DPYD: variants seen among roughly 807,000 people sequenced by gnomAD.
DPYD encodes dihydropyrimidine dehydrogenase [NADP(+)].
In DPYD, 109 loss-of-function variants were observed where a neutral mutation model predicts 116.2. The ratio of observed to expected loss-of-function variants is 0.94; its 90% CI spans 0.80 to 1.10. DPYD has a LOEUF of 1.10. DPYD is among the 50% of genes least tolerant of loss of function. The pLI is 0.00. For missense variants in DPYD, 1,302 were observed against 1,254.5 expected, an observed-to-expected ratio of 1.04 and a Z score of -0.57; for synonymous variants, 440 against 432.0, an observed-to-expected ratio of 1.02 and a Z score of -0.23.
chr1:97,708,282 G>A (rs190148288), intron 5 of DPYD, among the ~76,000 whole-genome samples: 2 of 152,110 alleles, frequency 1.3e-5, no homozygotes, highest in East Asian at 3.9e-4. Context: ...CTGTAGTTTT[G>A]TATTTTACAT....
At chr1:97,738,089 ATCTC>A (rs1453090933) in intron 4 of DPYD, among the ~76,000 whole-genome samples, 2 of 152,172 alleles carry the variant, frequency 1.3e-5, no homozygotes, top group Non-Finnish European at 2.9e-5. Flanking sequence ...AGGAGAATAT[ATCTC>A]TATTGTTTTA....
chr1:97,460,159 C>A (rs2101820615), intron 13 of DPYD, among the ~76,000 whole-genome samples: 1 of 152,200 alleles, frequency 6.6e-6, no homozygotes, highest in African/African-American at 2.4e-5. Context: ...AGAAAAAAAG[C>A]AGGTGCAAAT....
At chr1:97,180,715 A>G (rs924067657) in intron 20 of DPYD, among the ~76,000 whole-genome samples, 2 of 152,196 alleles carry the variant, frequency 1.3e-5, no homozygotes, top group African/African-American at 4.8e-5. Context: ...ATATAATTAA[A>G]TAAGGTGCAT....
chr1:97,794,795 G>T (rs767517162), intron 3 of DPYD, among the ~76,000 whole-genome samples: 11 of 152,124 alleles, frequency 7.2e-5, no homozygotes, highest in Non-Finnish European at 1.5e-4. Flanking sequence ...TCAGGGCAGG[G>T]TACATAGATT....
intron 3 of DPYD, among the ~76,000 whole-genome samples, chr1:97,819,970 T>A (rs1320724671): frequency 6.6e-6 from 1 of 152,006 alleles, no homozygotes; most frequent in Non-Finnish European, 1.5e-5. Flanking sequence ...CACACAAATC[T>A]CTAAGAATAA....
At chr1:97,914,820 T>C (rs1213727848) in intron 1 of DPYD, among the ~76,000 whole-genome samples, 4 of 152,156 alleles carry the variant, frequency 2.6e-5, no homozygotes, top group Non-Finnish European at 5.9e-5. Flanking sequence ...TTGACAAATG[T>C]TAATTCAGTA....
intron 3 of DPYD, among the ~76,000 whole-genome samples, chr1:97,772,606 TGAAA>T (rs1666201933): frequency 6.6e-6 from 1 of 152,108 alleles, no homozygotes; most frequent in Non-Finnish European, 1.5e-5. Context: ...GGCTGACTTG[TGAAA>T]GAAAGAATTT....
chr1:97,872,220 TG>T (rs2101618844), intron 2 of DPYD, among the ~76,000 whole-genome samples: 1 of 152,066 alleles, frequency 6.6e-6, no homozygotes, highest in African/African-American at 2.4e-5. Context: ...TTTCTTCTTT[TG>T]CAAATAAAGC....
intron 1 of DPYD, among the ~76,000 whole-genome samples, chr1:97,916,134 T>G (rs1674199894): frequency 6.6e-6 from 1 of 152,210 alleles, no homozygotes; most frequent in Non-Finnish European, 1.5e-5. Context: ...AATCAGTATT[T>G]TGACTCTAGA....
intron 12 of DPYD, among the ~76,000 whole-genome samples, chr1:97,539,252 CTCAAATTTTTTTTAAA>C (rs1303517647): frequency 2.0e-5 from 3 of 148,424 alleles, no homozygotes; most frequent in Admixed American, 6.6e-5. Flanking sequence ...GAAATATGTA[CTCAAATTTTTTTTAAA>C]TTTAATGCCC....
At chr1:97,824,176 G>A (rs1000543867) in intron 3 of DPYD, among the ~76,000 whole-genome samples, 2 of 152,082 alleles carry the variant, frequency 1.3e-5, no homozygotes, top group African/African-American at 2.4e-5. Context: ...TATAAATTAT[G>A]TCTTTATAAA....
intron 20 of DPYD, among the ~76,000 whole-genome samples, chr1:97,119,748 A>G (rs770336417): frequency 2.0e-5 from 3 of 152,128 alleles, no homozygotes; most frequent in Admixed American, 6.6e-5. Context: ...TTTTCTGAAA[A>G]CAAAACCCTC....
intron 15 of DPYD, among the ~76,000 whole-genome samples, chr1:97,382,110 CTTA>C (rs1672006539): frequency 6.6e-6 from 1 of 152,100 alleles, no homozygotes. Flanking sequence ...ATACAGTTTG[CTTA>C]ACATGCAAAT....
rs76288554 is a variant in DPYD, at chr1:97,817,862, A to C, written c.233+10252T>G. ...TGGCACTTCAATTATGGATACTTAA[A>C]ATTAAAGCTAATCCTCACAGTACCA... On this transcript the variant is annotated intron_variant, in intron 3 of 22. Transcript: ENST00000370192. Among the ~76,000 whole-genome samples, 1,524 of 152,190 alleles carry C rather than the reference A, an allele frequency of 0.01. 98 individuals are homozygous for C. The East Asian group carries it at 0.16, about 16-fold the overall frequency.
At chr1:97,876,563 G>A (rs997076457) in intron 2 of DPYD, among the ~76,000 whole-genome samples, 1 of 151,932 alleles carries the variant, frequency 6.6e-6, no homozygotes, top group African/African-American at 2.4e-5. Context: ...CTTCATTTGA[G>A]AACTTGCTGG....
rs1386856003 is a variant in DPYD at position 97,203,667 on chromosome 1, C to A, written c.2443-10419G>T. ...ATAATAAAGGATGAGTTCAGACCCCCCCCCCCCAAAAAAAAAAAAAGAGAA... is the reference window on the plus strand; with the variant it reads ...ATAATAAAGGATGAGTTCAGACCCCACCCCCCCAAAAAAAAAAAAAGAGAA... On this transcript the variant is annotated intron_variant, in intron 19 of 22. Coordinates refer to ENST00000370192, the MANE Select transcript of DPYD (RefSeq NM_000110.4). Among the ~76,000 whole-genome samples, 4 of 54,674 alleles carry A rather than the reference C, an allele frequency of 7.3e-5. 1 individual carries two copies. Among genetic ancestry groups the A allele is most frequent in the Non-Finnish European group, 1.5e-4 (4 of 27,158 alleles). 35.9% of individuals were successfully genotyped at this position (54,674 alleles called of 152,430 possible).
chr1:97,586,000 C>A, intron 10 of DPYD: 1 of 228,160 alleles, frequency 4.4e-6, no homozygotes, highest in South Asian at 8.1e-5. Flanking sequence ...ATGTTTGATC[C>A]ATGCCCATCT....
intron 13 of DPYD, among the ~76,000 whole-genome samples, chr1:97,483,202 G>T (rs536675641): frequency 2.6e-5 from 4 of 152,282 alleles, no homozygotes. Context: ...TGCCCTGAAG[G>T]TATACTGCAT....
At chr1:97,243,343 A>G (rs1171384810) in intron 18 of DPYD, among the ~76,000 whole-genome samples, 1 of 152,018 alleles carries the variant, frequency 6.6e-6, no homozygotes, top group Non-Finnish European at 1.5e-5. Flanking sequence ...TTTCTAATTG[A>G]CAGATAGTTT....
Sources: allele counts gnomAD v4.1 joint callset (sites outside exome capture counted in the v4.1 genomes callset), GRCh38; gene constraint gnomAD v4.1.1; transcripts MANE v1.5; gene names NCBI Gene and HGNC (gene_info 2026-07-23, HGNC 2026-07-21).